Variants in GUK1 observed in about 807,000 individuals in gnomAD.
The protein encoded by GUK1 is guanylate kinase.
GUK1 carries 18 observed loss-of-function variants against 25.2 expected under a neutral mutation model. That is an observed-to-expected ratio of 0.71 (90% CI 0.49 to 1.06). The LOEUF is 1.06. Ranked by LOEUF, GUK1 falls within the 50% of genes least tolerant of loss-of-function variation. The probability of loss-of-function intolerance (pLI) is 0.00; values close to 1 mark genes in which losing one functional copy is unlikely to be tolerated. For missense variants in GUK1, 261 were observed against 276.7 expected (o/e 0.94, Z 0.40); for synonymous variants, 105 against 117.6 (o/e 0.89, Z 0.69).
chr1:228,142,884 G>A (rs2034139860), intron 2 of GUK1, among the ~76,000 whole-genome samples: 1 of 151,858 alleles, frequency 6.6e-6, no homozygotes, highest in Admixed American at 6.5e-5. Context: ...CCCCTTCTGA[G>A]GACGCAAAAA....
rs937030302 is a variant in GUK1, at chr1:228,148,397, G to A, written c.502G>A (p.Val168Ile). 3.2e-6 allele frequency: 5 copies of A among 1,556,188 alleles called. No individual in the cohort carries two copies. In the South Asian group the frequency reaches 5.9e-5, roughly 18 times the overall value. Residue 168 changes from valine to isoleucine, a missense_variant, in exon 8 of 9, where the codon GTC (valine) becomes ATC (isoleucine). Coordinates refer to ENST00000312726, the MANE Select transcript of GUK1 (RefSeq NM_000858.7). Reference sequence around the variant, plus strand: ...CAAGGAGCCCGGCCTGTTTGATGTGGTCATCATTAACGACAGCCTGGACCA... The same window carrying A: ...CAAGGAGCCCGGCCTGTTTGATGTGATCATCATTAACGACAGCCTGGACCA...
rs1412956682 is a variant in GUK1, at chr1:228,148,320, G to A, written c.476-51G>A. ...TGCTCTGGGGGTCGTGTGGGACCTGGGGTGGGGCTGCATGGGCTCACTGTG... is the reference window on the plus strand; with the variant it reads ...TGCTCTGGGGGTCGTGTGGGACCTGAGGTGGGGCTGCATGGGCTCACTGTG... On this transcript the variant is annotated intron_variant, in intron 7 of 8. Coordinates refer to ENST00000312726, the MANE Select transcript of GUK1 (RefSeq NM_000858.7). 4 of 1,285,694 alleles carry A rather than the reference G, an allele frequency of 3.1e-6. No homozygotes were observed. The South Asian group carries it at 3.6e-5, about 11-fold the overall frequency. 79.6% of individuals were successfully genotyped at this position (1,285,694 alleles called of 1,614,324 possible).
Position 228,148,856 on chromosome 1 carries a change from C to T in GUK1, c.*159C>T. On this transcript the variant is annotated 3_prime_UTR_variant, in exon 9 of 9. Coordinates refer to ENST00000312726, the MANE Select transcript of GUK1 (RefSeq NM_000858.7). Reference sequence around the variant, plus strand: ...TGGTTGGAACATCCTGGGGTGACCCCCGACCCAGCCTCGCTGGGCTGTCCC... The same window carrying T: ...TGGTTGGAACATCCTGGGGTGACCCTCGACCCAGCCTCGCTGGGCTGTCCC... The T allele has an allele frequency of 1.3e-5, 20 of 1,529,184 alleles. No individual in the cohort carries two copies. The highest frequency in any genetic ancestry group is 1.8e-5 in the Non-Finnish European group (20 of 1,129,046). 94.7% of individuals were successfully genotyped at this position (1,529,184 alleles called of 1,614,324 possible).
chr1:228,148,289 G>C, intron 7 of GUK1, 82 bp from the exon 7 acceptor site: 1 of 988,314 alleles, frequency 1.0e-6, no homozygotes, highest in South Asian at 1.3e-5. Context: ...CCGCAGGCCA[G>C]TGGGCTGCTC....
Position 228,148,048 on chromosome 1 carries a change from GGTCT to G in GUK1, c.476-321_476-318del, listed in dbSNP as rs1325593838. The G allele has an allele frequency of 5.2e-5, 30 of 576,454 alleles. No individual in the cohort carries two copies. In the African/African-American group the frequency reaches 5.6e-4, roughly 11 times the overall value. 35.7% of individuals were successfully genotyped at this position (576,454 alleles called of 1,614,324 possible). ...TCTTACAGCTGTTGCCTCTTCTCTGGGTCTGACTGCAGCCCACAAGAAGAGGGCA... is the reference window on the plus strand; with the variant it reads ...TCTTACAGCTGTTGCCTCTTCTCTGGGACTGCAGCCCACAAGAAGAGGGCA... On this transcript the variant is annotated intron_variant, in intron 7 of 8. Coordinates refer to ENST00000312726, the MANE Select transcript of GUK1 (RefSeq NM_000858.7).
rs539273606 is a variant in GUK1, at chr1:228,141,704, G to A, written c.-3+416G>A. 17 of 1,304,766 alleles carry A rather than the reference G, an allele frequency of 1.3e-5. No individual in the cohort carries two copies. In the East Asian group the frequency reaches 9.4e-4, roughly 72 times the overall value. 80.8% of individuals were successfully genotyped at this position (1,304,766 alleles called of 1,614,324 possible). ...GTGCCTTTCCAGGAAAGCGGCTGCT[G>A]GGGCAGCATGGGAGCCCAGTCCAGG... On this transcript the variant is annotated intron_variant, in intron 2 of 8. Coordinates refer to ENST00000312726, the MANE Select transcript of GUK1 (RefSeq NM_000858.7).
Position 228,147,695 on chromosome 1 carries a change from G to A in GUK1, c.471G>A (p.Glu157=), listed in dbSNP as rs756344827. ...TGGCTGCTGCCCAGGCCGACATGGA[G>A]AGCAGTGAGTGTGCCGTGGGATCAC... is the stretch of plus-strand genomic sequence containing the variant. The change falls in exon 7 of 9, where the codon GAG becomes GAA. Residue 157 remains glutamate, a synonymous_variant. Coordinates refer to ENST00000312726, the MANE Select transcript of GUK1 (RefSeq NM_000858.7). 1.2e-6 allele frequency: 2 copies of A among 1,612,638 alleles called. No homozygotes were observed. Among genetic ancestry groups the A allele is most frequent in the Non-Finnish European group, 1.7e-6 (2 of 1,179,800 alleles).
intron 7 of GUK1, 85 bp from the exon 7 acceptor site, chr1:228,148,286 C>T (rs1462300194): frequency 2.1e-6 from 2 of 959,008 alleles, no homozygotes; most frequent in East Asian, 4.9e-5. Flanking sequence ...CAGCCGCAGG[C>T]CAGTGGGCTG....
intron 2 of GUK1, chr1:228,141,768 C>A: frequency 2.3e-6 from 3 of 1,294,544 alleles, no homozygotes; most frequent in South Asian, 1.2e-5. Flanking sequence ...CATGGATCTG[C>A]GCCGGCGGCT....
At chr1:228,145,306 TC>T (rs901772819) in intron 2 of GUK1, 4 of 459,336 alleles carry the variant, frequency 8.7e-6, no homozygotes, top group African/African-American at 6.1e-5. Flanking sequence ...CAGAGCCTGG[TC>T]TGAGGGCCGC....
chr1:228,146,635 G>A (rs960273266), intron 4 of GUK1: 21 of 595,352 alleles, frequency 3.5e-5, no homozygotes, highest in Non-Finnish European at 6.1e-5. Context: ...ATCTCCATCA[G>A]TGAGGACAGT....
At chr1:228,141,759 A>T in intron 2 of GUK1, 1 of 1,320,958 alleles carries the variant, frequency 7.6e-7, no homozygotes, top group East Asian at 5.6e-5. Context: ...ATTCCGGAAC[A>T]TGGATCTGCG....
At chr1:228,142,877 C>A (rs574140988) in intron 2 of GUK1, among the ~76,000 whole-genome samples, 1 of 151,750 alleles carries the variant, frequency 6.6e-6, no homozygotes, top group East Asian at 2.0e-4. Flanking sequence ...GGCTCTCCCC[C>A]TTCTGAGGAC....
intron 3 of GUK1, 197 bp downstream of exon 2, chr1:228,145,821 C>T: frequency 2.7e-6 from 2 of 728,296 alleles, no homozygotes; most frequent in Non-Finnish European, 4.6e-6. Context: ...TCTCCCTTCC[C>T]TGGGTCTGTT....
chr1:228,146,555 C>T, intron 4 of GUK1: 1 of 484,506 alleles, frequency 2.1e-6, no homozygotes, highest in South Asian at 2.4e-5. Flanking sequence ...TCCCCCAGAA[C>T]CTGTTGGTCT....
intron 7 of GUK1, 96 bp from the exon 7 acceptor site, chr1:228,148,275 A>T: frequency 1.1e-6 from 1 of 895,368 alleles, no homozygotes; most frequent in Non-Finnish European, 1.9e-6. Flanking sequence ...CGCAGTGAGG[A>T]CAGCCGCAGG....
Position 228,140,375 on chromosome 1 carries a change from A to C in GUK1, c.-168+12A>C. 2 of 1,506,988 alleles carry C rather than the reference A, an allele frequency of 1.3e-6. No individual in the cohort carries two copies. Among genetic ancestry groups the C allele is most frequent in the Non-Finnish European group, 1.8e-6 (2 of 1,135,148 alleles). 93.4% of individuals were successfully genotyped at this position (1,506,988 alleles called of 1,614,324 possible). On this transcript the variant is annotated intron_variant, in intron 1 of 8. Transcript: ENST00000312726. The stretch of plus-strand genomic sequence containing the variant: ...GGCCCCACCGGACGGTGAGTACGAC[A>C]AGCGCGATCGCGAGGGTGACTCGGG...
upstream of GUK1, chr1:228,140,105 C>G (rs1173172897): frequency 1.1e-5 from 6 of 558,714 alleles, no homozygotes; most frequent in African/African-American, 4.0e-5. Flanking sequence ...TGCTGAACGC[C>G]CCTGCGGTCG....
intron 2 of GUK1, chr1:228,145,056 T>A (rs775882068): frequency 1.3e-5 from 2 of 158,042 alleles, no homozygotes; most frequent in African/African-American, 4.8e-5. Flanking sequence ...CTCAGCACCA[T>A]GCATGGGAGC....
Sources: allele counts gnomAD v4.1 joint callset (sites outside exome capture counted in the v4.1 genomes callset), GRCh38; gene constraint gnomAD v4.1.1; transcripts MANE v1.5; gene names NCBI Gene and HGNC (gene_info 2026-07-23, HGNC 2026-07-21).